The following EHD3 variants were observed in gnomAD, a reference collection of about 807,000 sequenced individuals.
EHD3 encodes EH domain containing 3.
A neutral mutation model predicts 43.0 loss-of-function variants in EHD3; 17 were observed. The ratio of observed to expected loss-of-function variants is 0.40; its 90% CI spans 0.27 to 0.59. The LOEUF is 0.59. Among genes scored for constraint, EHD3 ranks in the 20% least tolerant of loss-of-function variants. The pLI is 0.49. For synonymous variants in EHD3, 313 were observed against 289.5 expected (o/e 1.08, Z -0.82); for missense variants, 594 against 705.6 (o/e 0.84, Z 1.79).
At position 31,266,179 on chromosome 2, in the gene EHD3, C is replaced by A; in HGVS notation, c.1083C>A (p.Asp361Glu). 1 of 1,608,156 alleles carries A rather than the reference C, an allele frequency of 6.2e-7. No homozygotes were observed. The highest frequency in any genetic ancestry group is 8.5e-7 in the Non-Finnish European group (1 of 1,175,630). ...GDFPNLKRMQ[D>E]QLQAQDFSKF... The stretch of plus-strand genomic sequence containing the variant: ...ATCCTCTCTCCTCCTCTTCCCAGGA[C>A]CAGCTGCAGGCCCAGGACTTTAGCA... The change falls in exon 6 of 6, where the codon GAC becomes GAA. Residue 361 changes from aspartate to glutamate, a missense_variant and splice_region_variant. Coordinates refer to ENST00000322054, the MANE Select transcript of EHD3 (RefSeq NM_014600.3). The surrounding 1 kb of genome is among the most constrained non-coding windows in gnomAD (Gnocchi z 5.1).
rs999216865 is a variant in EHD3, at chr2:31,234,532, C to T, written c.-90C>T. The T allele has an allele frequency of 4.8e-6, 7 of 1,460,156 alleles. No homozygotes were observed. In the Admixed American group the frequency reaches 5.6e-5, roughly 12 times the overall value. 90.4% of individuals were successfully genotyped at this position (1,460,156 alleles called of 1,614,324 possible). ...GCTTGGGTGAGGCGGCGGCGCGGCT[C>T]GGAGCCCGGCGGACCGGTCCTACGG... On this transcript the variant is annotated 5_prime_UTR_variant, in exon 1 of 6. Coordinates refer to ENST00000322054, the MANE Select transcript of EHD3 (RefSeq NM_014600.3).
Position 31,252,295 on chromosome 2 carries a change from G to T in EHD3, c.502+2827G>T, listed in dbSNP as rs147784386. 3.3e-3 allele frequency among the ~76,000 whole-genome samples: 506 copies of T among 152,318 alleles called. 5 individuals carry two copies. The highest frequency in any genetic ancestry group is 0.011 in the African/African-American group (466 of 41,560). On this transcript the variant is annotated intron_variant, in intron 3 of 5. Coordinates refer to ENST00000322054, the MANE Select transcript of EHD3 (RefSeq NM_014600.3). ...TACCTTCCTCCCTCCCTCCCTGTCAGTTGGCACCACCTATCATACAATCCC... is the reference window on the plus strand; with the variant it reads ...TACCTTCCTCCCTCCCTCCCTGTCATTTGGCACCACCTATCATACAATCCC...
chr2:31,250,107 G>A (rs1683604157), intron 3 of EHD3, among the ~76,000 whole-genome samples: 1 of 150,564 alleles, frequency 6.6e-6, no homozygotes, highest in African/African-American at 2.4e-5. Flanking sequence ...ATGGTGTGGG[G>A]CGGTGGGGGC....
rs1683991751 is a variant in EHD3 at position 31,268,216 on chromosome 2, C to T, written c.*1512C>T. The T allele has an allele frequency of 6.5e-6, 1 of 152,694 alleles. No homozygotes were observed. Among genetic ancestry groups the T allele is most frequent in the Non-Finnish European group, 1.5e-5 (1 of 68,082 alleles). The allele number at this position is 152,694 out of a possible 1,614,324, so 9.5% of individuals were successfully genotyped here. On this transcript the variant is annotated 3_prime_UTR_variant, in exon 6 of 6. Transcript: ENST00000322054. ...TCTCCCCTGGCTTGCTTCATGGCCA[C>T]TGAACCAATCACTTTGTATGCTATG... is the stretch of plus-strand genomic sequence containing the variant.
intron 5 of EHD3, among the ~76,000 whole-genome samples, chr2:31,262,496 C>G (rs910558493): frequency 2.6e-5 from 4 of 152,196 alleles, no homozygotes; most frequent in Non-Finnish European, 5.9e-5. Context: ...AAGCCCTTAG[C>G]ACAAAGCCAG....
At chr2:31,265,783 G>C (rs1683937382) in intron 5 of EHD3, among the ~76,000 whole-genome samples, 1 of 152,130 alleles carries the variant, frequency 6.6e-6, no homozygotes, top group Admixed American at 6.5e-5. Flanking sequence ...ACATGACCCA[G>C]TCTCAGAGGT....
intron 3 of EHD3, among the ~76,000 whole-genome samples, chr2:31,259,419 G>A (rs1683806321): frequency 6.6e-6 from 1 of 152,220 alleles, no homozygotes; most frequent in African/African-American, 2.4e-5. Flanking sequence ...CTGGGTGTCA[G>A]TGAATGTATA....
chr2:31,264,773 T>C (rs1191664920), intron 5 of EHD3, among the ~76,000 whole-genome samples: 3 of 151,956 alleles, frequency 2.0e-5, no homozygotes, highest in Non-Finnish European at 2.9e-5. Flanking sequence ...GACCTCGTGA[T>C]CCGCCTGCCT....
intron 3 of EHD3, among the ~76,000 whole-genome samples, chr2:31,258,462 C>T (rs1008325255): frequency 4.6e-5 from 7 of 152,172 alleles, no homozygotes; most frequent in African/African-American, 1.2e-4. Context: ...CCCACCCCAT[C>T]GATGCCTGCT....
chr2:31,260,444 C>G lies in EHD3; in HGVS notation c.503-66C>G, dbSNP rs1683829311. ...ACTGTGTTATTTCTACCACACCCGA[C>G]TGCTTCTCCAAACCCCTACCCTATA... is the stretch of plus-strand genomic sequence containing the variant. On this transcript the variant is annotated intron_variant, in intron 3 of 5. Coordinates refer to ENST00000322054, the MANE Select transcript of EHD3 (RefSeq NM_014600.3). This position sits in a 1 kb window ranked among gnomAD's most constrained non-coding sequence, Gnocchi z 4.6. 1 of 1,475,372 alleles carries G rather than the reference C, an allele frequency of 6.8e-7. No homozygotes were observed. The highest frequency in any genetic ancestry group is 9.1e-7 in the Non-Finnish European group (1 of 1,098,440). The allele number at this position is 1,475,372 out of a possible 1,614,324, so 91.4% of individuals were successfully genotyped here.
intron 3 of EHD3, among the ~76,000 whole-genome samples, chr2:31,257,568 C>T (rs1683775899): frequency 6.6e-6 from 1 of 152,126 alleles, no homozygotes; most frequent in Admixed American, 6.5e-5. Context: ...TCAGTTTCCT[C>T]CCCTGGAAGT....
rs776093934 is a variant in EHD3, at chr2:31,260,973, G to T, written c.915+51G>T. 1 of 1,541,588 alleles carries T rather than the reference G, an allele frequency of 6.5e-7. No homozygotes were observed. The highest frequency in any genetic ancestry group is 2.2e-5 in the East Asian group (1 of 44,446). ...CAGCTTGGGCAGGGGCCCAGAGTTTGGGGTCAGCTGCACGAGCTGAGGGTT... is the reference window on the plus strand; with the variant it reads ...CAGCTTGGGCAGGGGCCCAGAGTTTTGGGTCAGCTGCACGAGCTGAGGGTT... On this transcript the variant is annotated intron_variant, in intron 4 of 5. Coordinates refer to ENST00000322054, the MANE Select transcript of EHD3 (RefSeq NM_014600.3). The surrounding 1 kb of genome is among the most constrained non-coding windows in gnomAD (Gnocchi z 4.6).
intron 3 of EHD3, among the ~76,000 whole-genome samples, chr2:31,252,203 C>T (rs891600185): frequency 1.3e-5 from 2 of 152,176 alleles, no homozygotes; most frequent in African/African-American, 4.8e-5. Context: ...ACCACACAGC[C>T]GTCTTGTGAG....
intron 3 of EHD3, among the ~76,000 whole-genome samples, chr2:31,255,909 G>C (rs1327668627): frequency 1.3e-5 from 2 of 152,196 alleles, no homozygotes; most frequent in Non-Finnish European, 2.9e-5. Flanking sequence ...TAAGACAGCA[G>C]CCTGCAGCCT....
chr2:31,260,628 C>T lies in EHD3; in HGVS notation c.621C>T (p.Leu207=). The change falls in exon 4 of 6, where the codon CTC becomes CTT. Residue 207 remains leucine, a synonymous_variant. Transcript: ENST00000322054. The surrounding 1 kb of genome is among the most constrained non-coding windows in gnomAD (Gnocchi z 4.6). ...AGTTCTCAGAAGTCATCAAAGCCCT[C>T]AAGAACCACGAGGACAAGATGCGAG... ...SDEFSEVIKA[L]KNHEDKMRVV... The T allele has an allele frequency of 1.2e-6, 2 of 1,614,212 alleles. No individual in the cohort carries two copies. Among genetic ancestry groups the T allele is most frequent in the East Asian group, 4.5e-5 (2 of 44,882 alleles).
chr2:31,234,684 G>A lies in EHD3; in HGVS notation c.63G>A (p.Val21=). 2 of 1,614,206 alleles carry A rather than the reference G, an allele frequency of 1.2e-6. No homozygotes were observed. The highest frequency in any genetic ancestry group is 1.7e-6 in the Non-Finnish European group (2 of 1,180,032). The change falls in exon 1 of 6, where the codon GTG becomes GTA. Residue 21 remains valine (V), a synonymous_variant. Coordinates refer to ENST00000322054, the MANE Select transcript of EHD3 (RefSeq NM_014600.3). ...RRKDPEVFQT[V]SEGLKKLYKS... ...AGGACCCCGAGGTTTTCCAGACGGT[G>A]AGTGAGGGGCTCAAGAAACTCTACA...
chr2:31,259,234 C>A lies in EHD3; in HGVS notation c.503-1276C>A, dbSNP rs545932813. ...GCAGGAGGAGAGGCTGAGAACCCTG[C>A]TCAGACTCAGAATGGGAAAGCCTAA... On this transcript the variant is annotated intron_variant, in intron 3 of 5. Coordinates refer to ENST00000322054, the MANE Select transcript of EHD3 (RefSeq NM_014600.3). Among the ~76,000 whole-genome samples, 10 of 152,282 alleles carry A rather than the reference C, an allele frequency of 6.6e-5. No homozygotes were observed. In the South Asian group the frequency reaches 2.1e-3, roughly 32 times the overall value.
chr2:31,242,848 T>C (rs1400870208), intron 1 of EHD3, among the ~76,000 whole-genome samples: 1 of 152,086 alleles, frequency 6.6e-6, no homozygotes, highest in Non-Finnish European at 1.5e-5. Context: ...TAATCCCAGC[T>C]ACTCGGGAGG....
rs1480168392 is a variant in EHD3, at chr2:31,234,655, A to G, written c.34A>G (p.Arg12Gly). The G allele has an allele frequency of 1.4e-5, 23 of 1,613,990 alleles. No homozygotes were observed. Among genetic ancestry groups the G allele is most frequent in the Non-Finnish European group, 1.9e-5 (23 of 1,180,018 alleles). Residue 12 changes from arginine (R) to glycine (G), a missense_variant, in exon 1 of 6, where the codon AGG becomes GGG. Transcript: ENST00000322054. ...FSWLGTDDRRRKDPEVFQTVS... is the reference protein window; with the variant it reads ...FSWLGTDDRRGKDPEVFQTVS... Reference sequence around the variant, plus strand: ...CTGGCTGGGTACGGACGACCGCCGGAGGAAGGACCCCGAGGTTTTCCAGAC... The same window carrying G: ...CTGGCTGGGTACGGACGACCGCCGGGGGAAGGACCCCGAGGTTTTCCAGAC...
Sources: gnomAD v4.1 joint callset for allele counts (sites outside exome capture counted in the v4.1 genomes callset) on GRCh38, gnomAD v4.1.1 for gene constraint, Gnocchi (gnomAD v3.1) non-coding constraint, MANE v1.5 for transcripts, NCBI Gene and HGNC (gene_info 2026-07-23, HGNC 2026-07-21) for gene names.